The following TCF7L1 variants were observed in gnomAD, a reference collection of about 807,000 sequenced individuals.
TCF7L1 encodes the protein transcription factor 7-like 1.
A neutral mutation model predicts 63.7 loss-of-function variants in TCF7L1; 18 were observed. The ratio of observed to expected loss-of-function variants is 0.28; its 90% confidence interval spans 0.20 to 0.42. The LOEUF (loss-of-function observed/expected upper bound fraction) is 0.42, where lower values mean the gene tolerates loss of function less well. TCF7L1 is among the 10% of genes least tolerant of loss of function. The probability of loss-of-function intolerance (pLI) is 1.00; values close to 1 mark genes in which losing one functional copy is unlikely to be tolerated. For missense variants in TCF7L1, 654 were observed against 779.3 expected, an observed-to-expected ratio of 0.84 and a Z score of 1.91; for synonymous variants, 355 against 340.9, an observed-to-expected ratio of 1.04 and a Z score of -0.46.
At chr2:85,231,156 G>T (rs1573001437) in intron 3 of TCF7L1, among the ~76,000 whole-genome samples, 1 of 152,296 alleles carries the variant, frequency 6.6e-6, no homozygotes, top group East Asian at 1.9e-4. Flanking sequence ...CCCCCAGGAA[G>T]CCAGGCCTGT....
At chr2:85,148,497 G>T (rs964114494) in intron 3 of TCF7L1, among the ~76,000 whole-genome samples, 1 of 152,194 alleles carries the variant, frequency 6.6e-6, no homozygotes, top group Non-Finnish European at 1.5e-5. Context: ...CCCTCAGGGA[G>T]AATGGGGATA....
intron 3 of TCF7L1, among the ~76,000 whole-genome samples, chr2:85,180,694 C>T (rs564473325): frequency 2.0e-5 from 3 of 152,188 alleles, no homozygotes; most frequent in Non-Finnish European, 2.9e-5. Flanking sequence ...AGAGTTACAG[C>T]TGACCCTGGA....
At chr2:85,182,470 G>T (rs1221117753) in intron 3 of TCF7L1, among the ~76,000 whole-genome samples, 1 of 152,160 alleles carries the variant, frequency 6.6e-6, no homozygotes, top group Non-Finnish European at 1.5e-5. Flanking sequence ...TAGCATACCA[G>T]CCAGACTGTG....
chr2:85,191,373 C>A (rs1679035719), intron 3 of TCF7L1, among the ~76,000 whole-genome samples: 1 of 152,250 alleles, frequency 6.6e-6, no homozygotes, highest in South Asian at 2.1e-4. Flanking sequence ...TATGTGACAT[C>A]TCACAGACCC....
Position 85,142,005 on chromosome 2 carries a change from C to A in TCF7L1, c.441+7555C>A, listed in dbSNP as rs928804055. On this transcript the variant is annotated intron_variant, in intron 3 of 11. Transcript: ENST00000282111. ...TCATAAAGCCCAAAATGTTGGGAAC[C>A]TTTTAGCTACATGTTAGATAATGAA... 2.6e-5 allele frequency among the ~76,000 whole-genome samples: 4 copies of A among 152,144 alleles called. No homozygotes were observed. The East Asian group carries it at 7.7e-4, about 29-fold the overall frequency.
At chr2:85,296,451 C>G (rs1681841807) in intron 4 of TCF7L1, among the ~76,000 whole-genome samples, 1 of 152,148 alleles carries the variant, frequency 6.6e-6, no homozygotes, top group African/African-American at 2.4e-5. Context: ...CTACAGTCTG[C>G]CTTTGTCCCA....
rs148138949 is a variant in TCF7L1 at position 85,266,446 on chromosome 2, C to T, written c.442-17049C>T. Among the ~76,000 whole-genome samples, 502 of 152,360 alleles carry T rather than the reference C, an allele frequency of 3.3e-3. 4 individuals are homozygous for T. The highest frequency in any genetic ancestry group is 0.011 in the African/African-American group (475 of 41,576). On this transcript the variant is annotated intron_variant, in intron 3 of 11. Coordinates refer to ENST00000282111, the MANE Select transcript of TCF7L1 (RefSeq NM_031283.3). ...TAACTCATTACTGAGTTCATAACTT[C>T]TTTATCTCAAATTCTGCAAACAAAT...
At chr2:85,137,696 C>A (rs981244510) in intron 3 of TCF7L1, among the ~76,000 whole-genome samples, 5 of 152,058 alleles carry the variant, frequency 3.3e-5, no homozygotes, top group South Asian at 2.1e-4. Context: ...AGTTCGAGAC[C>A]AGCCTGGCCA....
chr2:85,287,940 T>C (rs574926201), intron 4 of TCF7L1, among the ~76,000 whole-genome samples: 26 of 152,288 alleles, frequency 1.7e-4, no homozygotes, highest in African/African-American at 6.3e-4. Context: ...ATCTATTAAA[T>C]GGGGATTAGA....
At chr2:85,248,673 C>T (rs1447195542) in intron 3 of TCF7L1, among the ~76,000 whole-genome samples, 1 of 152,170 alleles carries the variant, frequency 6.6e-6, no homozygotes, top group Non-Finnish European at 1.5e-5. Context: ...CCCCCTAAAC[C>T]ATCAAGATTG....
intron 3 of TCF7L1, among the ~76,000 whole-genome samples, chr2:85,146,886 A>G (rs1677892304): frequency 6.6e-6 from 1 of 152,150 alleles, no homozygotes; most frequent in Non-Finnish European, 1.5e-5. Context: ...TGGTTGATTT[A>G]CAGTCTCAGA....
At chr2:85,227,743 C>G (rs1193437041) in intron 3 of TCF7L1, among the ~76,000 whole-genome samples, 1 of 152,036 alleles carries the variant, frequency 6.6e-6, no homozygotes, top group Non-Finnish European at 1.5e-5. Flanking sequence ...CACCTATAAT[C>G]CCAACACTTT....
At chr2:85,308,776 C>T (rs924824435) in intron 11 of TCF7L1, among the ~76,000 whole-genome samples, 3 of 152,142 alleles carry the variant, frequency 2.0e-5, no homozygotes, top group Non-Finnish European at 4.4e-5. Context: ...GAGGGTGGTC[C>T]TGTGAGACAC....
At chr2:85,189,205 G>A (rs760955846) in intron 3 of TCF7L1, among the ~76,000 whole-genome samples, 1 of 152,102 alleles carries the variant, frequency 6.6e-6, no homozygotes, top group Non-Finnish European at 1.5e-5. Context: ...GTGTCGCTTC[G>A]GGGATTTTTT....
At chr2:85,198,236 A>G (rs1679200265) in intron 3 of TCF7L1, among the ~76,000 whole-genome samples, 1 of 152,238 alleles carries the variant, frequency 6.6e-6, no homozygotes, top group African/African-American at 2.4e-5. Flanking sequence ...AGAAACCCAG[A>G]TTAGAATTCA....
intron 3 of TCF7L1, among the ~76,000 whole-genome samples, chr2:85,217,901 C>T (rs180970757): frequency 1.5e-3 from 225 of 152,158 alleles, no homozygotes; most frequent in African/African-American, 5.1e-3. Flanking sequence ...TTTGTATTTT[C>T]GATTTTGGGG....
At chr2:85,300,690 A>G (rs1681950466) in intron 4 of TCF7L1, among the ~76,000 whole-genome samples, 1 of 152,170 alleles carries the variant, frequency 6.6e-6, no homozygotes, top group African/African-American at 2.4e-5. Flanking sequence ...GAAAGGTCTC[A>G]TGGAATCTAC....
chr2:85,302,389 G>GA, intron 4 of TCF7L1, 95 bp from the exon 5 acceptor site: 1 of 1,567,364 alleles, frequency 6.4e-7, no homozygotes, highest in Non-Finnish European at 8.7e-7. Flanking sequence ...ATGTTGCCTG[G>GA]AAAATACCTG....
At chr2:85,262,532 G>A (rs1362465858) in intron 3 of TCF7L1, among the ~76,000 whole-genome samples, 1 of 152,212 alleles carries the variant, frequency 6.6e-6, no homozygotes, top group African/African-American at 2.4e-5. Context: ...CAAGTCCAGG[G>A]TAAAAACACG....
Sources: allele counts gnomAD v4.1 joint callset (sites outside exome capture counted in the v4.1 genomes callset), GRCh38; gene constraint gnomAD v4.1.1; transcripts MANE v1.5; gene names NCBI Gene and HGNC (gene_info 2026-07-23, HGNC 2026-07-21).